Variants in NHSL1 observed in about 807,000 individuals in gnomAD.
The protein encoded by NHSL1 is NHS like 1.
Under a neutral mutation model 95.0 loss-of-function variants are expected in NHSL1, and 48 were observed. The ratio of observed to expected loss-of-function variants is 0.51; its 90% CI spans 0.40 to 0.64. The LOEUF (loss-of-function observed/expected upper bound fraction) is 0.64. NHSL1 is among the 30% of genes least tolerant of loss of function. The pLI is 0.00. For synonymous variants in NHSL1, 783 were observed against 833.9 expected (o/e 0.94, Z 1.05); for missense variants, 1,971 against 2,077.7 (o/e 0.95, Z 1.00).
chr6:138,571,557 T>C, intron 1 of NHSL1: 1 of 667,634 alleles, frequency 1.5e-6, no homozygotes, highest in Non-Finnish European at 2.5e-6. Context: ...ATTTTAGACA[T>C]GTAAACAAAT....
chr6:138,552,236 T>G (rs1298152211), intron 1 of NHSL1, among the ~76,000 whole-genome samples: 2 of 152,138 alleles, frequency 1.3e-5, no homozygotes, highest in African/African-American at 4.8e-5. Context: ...CTGGCCAACA[T>G]GGTGAAACCT....
At chr6:138,573,399 G>A (rs1783909160), upstream of NHSL1, among the ~76,000 whole-genome samples, 1 of 152,196 alleles carries the variant, frequency 6.6e-6, no homozygotes, top group African/African-American at 2.4e-5. Flanking sequence ...AACTAGGTCT[G>A]TAGCACTTTG....
chr6:138,437,608 A>C (rs1325718317), intron 5 of NHSL1, among the ~76,000 whole-genome samples: 1 of 152,142 alleles, frequency 6.6e-6, no homozygotes, highest in East Asian at 1.9e-4. Context: ...TTGTAAGGCC[A>C]AAGCTGCCAC....
At position 138,606,142 on chromosome 6, in the gene NHSL1, AC is replaced by A. The variant is rs527449346; in HGVS notation, c.96+86333del. 1.1e-4 allele frequency among the ~76,000 whole-genome samples: 17 copies of A among 152,248 alleles called. No individual in the cohort carries two copies. The East Asian group carries it at 1.5e-3, about 14-fold the overall frequency. Reference sequence around the variant, plus strand: ...CAGCCCCCTGCTGTGCCTGCCACCCACAGAATGACAAGCCACCCACAAATCA... The same window carrying A: ...CAGCCCCCTGCTGTGCCTGCCACCCAAGAATGACAAGCCACCCACAAATCA... On this transcript the variant is annotated intron_variant, in intron 1 of 3. Coordinates refer to the NHSL1 transcript ENST00000491526.
At chr6:138,677,483 G>C (rs974761610) in intron 1 of NHSL1, among the ~76,000 whole-genome samples, 2 of 152,122 alleles carry the variant, frequency 1.3e-5, no homozygotes, top group African/African-American at 2.4e-5. Flanking sequence ...AAATAGTGAA[G>C]GCCTGCTACC....
At chr6:138,619,514 C>T (rs1027450159) in intron 1 of NHSL1, among the ~76,000 whole-genome samples, 3 of 152,174 alleles carry the variant, frequency 2.0e-5, no homozygotes, top group African/African-American at 7.2e-5. Flanking sequence ...TGTTACTTTT[C>T]GTACCTACTA....
intron 5 of NHSL1, among the ~76,000 whole-genome samples, chr6:138,437,426 A>C: frequency 2.8e-5 from 1 of 35,810 alleles, no homozygotes; most frequent in African/African-American, 1.1e-4. Context: ...ACACACACAC[A>C]CACACACACA....
At chr6:138,564,555 C>G (rs1394360415) in intron 1 of NHSL1, among the ~76,000 whole-genome samples, 3 of 151,988 alleles carry the variant, frequency 2.0e-5, no homozygotes, top group East Asian at 3.9e-4. Context: ...ATTTGCTTAG[C>G]ACATTAGCCT....
chr6:138,499,689 C>T (rs931241974), upstream of NHSL1, among the ~76,000 whole-genome samples: 1 of 152,196 alleles, frequency 6.6e-6, no homozygotes, highest in East Asian at 1.9e-4. Context: ...AAAAATAGTG[C>T]AGACTTTCCT....
At chr6:138,497,765 C>T (rs910713632) in intron 1 of NHSL1, among the ~76,000 whole-genome samples, 1 of 152,196 alleles carries the variant, frequency 6.6e-6, no homozygotes, top group Non-Finnish European at 1.5e-5. Context: ...GGGCCACATG[C>T]TAGCGCTCAT....
intron 3 of NHSL1, among the ~76,000 whole-genome samples, chr6:138,466,103 G>A (rs1037471088): frequency 6.8e-6 from 1 of 147,448 alleles, no homozygotes; most frequent in Non-Finnish European, 1.5e-5. Flanking sequence ...GCAGTGGTGC[G>A]ATCTCAGCTC....
At chr6:138,441,845 T>C in intron 5 of NHSL1, 138 bp downstream of exon 5, 1 of 714,398 alleles carries the variant, frequency 1.4e-6, no homozygotes, top group South Asian at 2.7e-5. Context: ...TAATGCCTCA[T>C]TCAGGAAGGA....
chr6:138,455,761 G>GCT (rs1554226764), intron 3 of NHSL1, among the ~76,000 whole-genome samples: 3 of 152,124 alleles, frequency 2.0e-5, no homozygotes, highest in African/African-American at 7.2e-5. Flanking sequence ...GCTAGCAATA[G>GCT]CATAAACACT....
intron 1 of NHSL1, among the ~76,000 whole-genome samples, chr6:138,583,163 T>C (rs914540308): frequency 6.6e-6 from 1 of 152,116 alleles, no homozygotes; most frequent in African/African-American, 2.4e-5. Context: ...CCTCCAGGTG[T>C]CCCTTCCCCT....
chr6:138,482,519 G>A (rs1779489522), intron 2 of NHSL1, among the ~76,000 whole-genome samples: 1 of 151,146 alleles, frequency 6.6e-6, no homozygotes, highest in South Asian at 2.1e-4. Context: ...AAAAGAGAAA[G>A]TCAAGCTGGT....
chr6:138,548,135 C>G (rs1183840472), upstream of NHSL1, among the ~76,000 whole-genome samples: 3 of 152,092 alleles, frequency 2.0e-5, no homozygotes, highest in African/African-American at 7.2e-5. Flanking sequence ...GTGCCCGCCA[C>G]CATGCCCGGC....
At chr6:138,526,044 GATC>G (rs768973960) in intron 1 of NHSL1, among the ~76,000 whole-genome samples, 19 of 144,932 alleles carry the variant, frequency 1.3e-4, no homozygotes, top group Middle Eastern at 3.9e-3. Flanking sequence ...ACTGAGCCGA[GATC>G]ATGCCACTGC....
At chr6:138,572,892 T>C (rs1320344435), upstream of NHSL1, among the ~76,000 whole-genome samples, 1 of 152,140 alleles carries the variant, frequency 6.6e-6, no homozygotes, top group South Asian at 2.1e-4. Flanking sequence ...GATAGATACA[T>C]CCAACATTCC....
At chr6:138,688,952 T>C (rs1458544627) in intron 1 of NHSL1, among the ~76,000 whole-genome samples, 1 of 152,218 alleles carries the variant, frequency 6.6e-6, no homozygotes, top group Non-Finnish European at 1.5e-5. Flanking sequence ...TTTTTAGTAT[T>C]GTATTTTTGT....
Sources: allele counts gnomAD v4.1 joint callset (sites outside exome capture counted in the v4.1 genomes callset), GRCh38; gene constraint gnomAD v4.1.1; transcripts MANE v1.5; gene names NCBI Gene and HGNC (gene_info 2026-07-23, HGNC 2026-07-21).